Variants in SYNPR observed in about 807,000 individuals in gnomAD.
The protein encoded by SYNPR is synaptoporin.
Under a neutral mutation model 32.9 loss-of-function variants are expected in SYNPR, and 23 were observed. That is an observed-to-expected ratio of 0.70 (90% CI 0.50 to 0.99). The LOEUF (loss-of-function observed/expected upper bound fraction) is 0.99, where lower values mean the gene tolerates loss of function less well. SYNPR is among the 50% of genes least tolerant of loss of function. The pLI is 0.00. For missense variants in SYNPR, 318 were observed against 349.3 expected, an observed-to-expected ratio of 0.91 and a Z score of 0.71; for synonymous variants, 146 against 135.9, an observed-to-expected ratio of 1.07 and a Z score of -0.52.
intron 4 of SYNPR, among the ~76,000 whole-genome samples, chr3:63,570,428 CA>C (rs1207089488): frequency 4.6e-5 from 7 of 152,202 alleles, no homozygotes; most frequent in Non-Finnish European, 1.0e-4. Flanking sequence ...ACATGCTCTT[CA>C]GAGCTATCTC....
intron 2 of SYNPR, among the ~76,000 whole-genome samples, chr3:63,396,834 G>T (rs2088220579): frequency 6.6e-6 from 1 of 152,220 alleles, no homozygotes; most frequent in Non-Finnish European, 1.5e-5. Flanking sequence ...GCCGAGCGCG[G>T]TGGCTCACGC....
chr3:63,509,938 TC>T (rs1375667734), intron 3 of SYNPR, among the ~76,000 whole-genome samples: 4 of 150,118 alleles, frequency 2.7e-5, no homozygotes, highest in Non-Finnish European at 5.9e-5. Context: ...CTTCTCTCCT[TC>T]CCCTCCTTTC....
chr3:63,538,771 G>A (rs1232939998), intron 3 of SYNPR, among the ~76,000 whole-genome samples: 1 of 152,092 alleles, frequency 6.6e-6, no homozygotes, highest in Non-Finnish European at 1.5e-5. Flanking sequence ...ATAAGAGCAA[G>A]AATAGATGGT....
chr3:63,390,735 C>T (rs909190744), intron 2 of SYNPR, among the ~76,000 whole-genome samples: 1 of 152,188 alleles, frequency 6.6e-6, no homozygotes. Context: ...CACCCCTCCT[C>T]GGGGCCTTCC....
chr3:63,240,689 A>G (rs2086234762), intron 1 of SYNPR, among the ~76,000 whole-genome samples: 1 of 152,140 alleles, frequency 6.6e-6, no homozygotes, highest in South Asian at 2.1e-4. Context: ...TGCGAAGGAC[A>G]TTATTGCAAG....
chr3:63,231,642 AC>A (rs2086167623), intron 1 of SYNPR, among the ~76,000 whole-genome samples: 6 of 152,070 alleles, frequency 3.9e-5, no homozygotes, highest in African/African-American at 7.2e-5. Flanking sequence ...GGGCCTTCCA[AC>A]TTCTAGGCCC....
the SYNPR span, among the ~76,000 whole-genome samples, chr3:63,221,543 C>T: frequency 2.0e-5 from 3 of 152,040 alleles, no homozygotes; most frequent in Non-Finnish European, 2.9e-5. Context: ...GAATAGAAAG[C>T]GTATATTTGG....
chr3:63,615,237 T>C lies in SYNPR; in HGVS notation c.614T>C (p.Leu205Ser). 1 of 1,613,630 alleles carries C rather than the reference T, an allele frequency of 6.2e-7. No homozygotes were observed. Among genetic ancestry groups the C allele is most frequent in the Non-Finnish European group, 8.5e-7 (1 of 1,179,650 alleles). The change falls in exon 6 of 6, where the codon TTG (leucine) becomes TCG (serine). Residue 205 changes from leucine (L) to serine (S), a missense_variant. Physicochemically the swap from Leu to Ser is moderately radical, Grantham distance 145 (BLOSUM62 -2). Coordinates refer to ENST00000478300, the MANE Select transcript of SYNPR (RefSeq NM_001130003.2). The part of the protein sequence containing the change: ...SLNTSVVFGF[L>S]NFILWAGNIW... ...ATTCTCCTTCAGGTCTTTGGATTCT[T>C]GAACTTTATTCTCTGGGCTGGAAAC...
At chr3:63,450,911 T>C (rs1440935880) in intron 2 of SYNPR, among the ~76,000 whole-genome samples, 1 of 152,162 alleles carries the variant, frequency 6.6e-6, no homozygotes, top group African/African-American at 2.4e-5. Flanking sequence ...AAAAGGCCTT[T>C]CAAGTATATT....
At chr3:63,270,042 T>C (rs2086521156) in intron 3 of SYNPR, among the ~76,000 whole-genome samples, 1 of 152,170 alleles carries the variant, frequency 6.6e-6, no homozygotes, top group Admixed American at 6.5e-5. Flanking sequence ...AATAATATTT[T>C]CAGATACAAA....
chr3:63,225,162 G>A (rs372520960), upstream of SYNPR, among the ~76,000 whole-genome samples: 9 of 152,202 alleles, frequency 5.9e-5, no homozygotes, highest in African/African-American at 2.2e-4. Flanking sequence ...GTTCCCAAGT[G>A]TGTCACAGGG....
chr3:63,504,643 G>T (rs947138455), intron 3 of SYNPR, among the ~76,000 whole-genome samples: 2 of 152,110 alleles, frequency 1.3e-5, no homozygotes, highest in African/African-American at 4.8e-5. Flanking sequence ...AATGAAAAGA[G>T]ATTGCCACAA....
chr3:63,344,520 C>G (rs1453654354), intron 2 of SYNPR, among the ~76,000 whole-genome samples: 1 of 150,082 alleles, frequency 6.7e-6, no homozygotes, highest in African/African-American at 2.5e-5. Flanking sequence ...ATTAAAATCC[C>G]TGTGAGAAAC....
At chr3:63,528,295 A>G (rs1702052136) in intron 3 of SYNPR, among the ~76,000 whole-genome samples, 1 of 152,220 alleles carries the variant, frequency 6.6e-6, no homozygotes, top group African/African-American at 2.4e-5. Context: ...AGCAAAGTTA[A>G]GCAGGTATCT....
At position 63,466,438 on chromosome 3, in the gene SYNPR, C is replaced by A. The variant is rs111689096; in HGVS notation, c.85-14394C>A. On this transcript the variant is annotated intron_variant, in intron 2 of 5. Coordinates refer to ENST00000478300, the MANE Select transcript of SYNPR (RefSeq NM_001130003.2). ...ATTTACTGTTGGACATAGAGGCTTG[C>A]ACAAATTCAGGATTTGTTTTTTTTT... Among the ~76,000 whole-genome samples, 465 of 150,520 alleles carry A rather than the reference C, an allele frequency of 3.1e-3. 5 individuals carry two copies. Among genetic ancestry groups the A allele is most frequent in the African/African-American group, 0.01 (430 of 41,392 alleles).
Position 63,318,618 on chromosome 3 carries a change from T to C in SYNPR, c.84+39876T>C, listed in dbSNP as rs542032273. The stretch of plus-strand genomic sequence containing the variant: ...GTTTCCTGAATTTTTGATTGTTTTT[T>C]CTTTAAGCTACCTATTTCCTTGAAT... On this transcript the variant is annotated intron_variant, in intron 2 of 5. Transcript: ENST00000478300. Among the ~76,000 whole-genome samples the C allele has an allele frequency of 1.2e-4, 19 of 152,150 alleles. No homozygotes were observed. In the South Asian group the frequency reaches 1.9e-3, roughly 15 times the overall value.
At chr3:63,242,716 T>C (rs1361494437) in intron 1 of SYNPR, among the ~76,000 whole-genome samples, 1 of 152,006 alleles carries the variant, frequency 6.6e-6, no homozygotes, top group Non-Finnish European at 1.5e-5. Context: ...AGGAAGTGAA[T>C]TGCTGGATGA....
At chr3:63,285,962 G>A (rs981064675) in intron 2 of SYNPR, among the ~76,000 whole-genome samples, 5 of 152,210 alleles carry the variant, frequency 3.3e-5, no homozygotes, top group Admixed American at 1.3e-4. Context: ...GGTTATGACG[G>A]TGATGAAAAG....
chr3:63,370,525 C>A lies in SYNPR; in HGVS notation c.84+91783C>A, dbSNP rs546069008. On this transcript the variant is annotated intron_variant, in intron 2 of 5. Transcript: ENST00000478300. ...ATGTCTGAAAAGTGGAATTTGTACT[C>A]GCCCAAAAAATTATGCTGAAACTTA... 5.3e-5 allele frequency among the ~76,000 whole-genome samples: 8 copies of A among 152,252 alleles called. No homozygotes were observed. The South Asian group carries it at 1.7e-3, about 32-fold the overall frequency.
Sources: allele counts gnomAD v4.1 joint callset (sites outside exome capture counted in the v4.1 genomes callset), GRCh38; gene constraint gnomAD v4.1.1; transcripts MANE v1.5; gene names NCBI Gene and HGNC (gene_info 2026-07-23, HGNC 2026-07-21).